The following PRKAR2B variants were observed in gnomAD, a reference collection of about 807,000 sequenced individuals.
PRKAR2B encodes protein kinase cAMP-dependent type II regulatory subunit beta.
PRKAR2B carries 14 observed loss-of-function variants against 49.9 expected under a neutral mutation model. That is an observed-to-expected ratio of 0.28 (90% CI 0.19 to 0.44). The LOEUF (loss-of-function observed/expected upper bound fraction) is 0.44, where lower values mean the gene tolerates loss of function less well. Ranked by LOEUF, PRKAR2B falls within the 20% of genes least tolerant of loss-of-function variation. The pLI, the probability that PRKAR2B is intolerant of heterozygous loss-of-function variation, is 1.00. For missense variants in PRKAR2B, 393 were observed against 537.9 expected (o/e 0.73, Z 2.67); for synonymous variants, 196 against 197.7 (o/e 0.99, Z 0.07).
intron 2 of PRKAR2B, among the ~76,000 whole-genome samples, chr7:107,098,609 G>A (rs564229313): frequency 3.3e-5 from 5 of 152,250 alleles, no homozygotes; most frequent in South Asian, 2.1e-4. Context: ...TTTTAGAATC[G>A]TTAGCTTTTC....
chr7:107,093,009 T>C (rs1230908214), intron 2 of PRKAR2B, among the ~76,000 whole-genome samples: 1 of 152,240 alleles, frequency 6.6e-6, no homozygotes, highest in African/African-American at 2.4e-5. Flanking sequence ...TCACTTCGTG[T>C]AATGTTTTCA....
intron 2 of PRKAR2B, among the ~76,000 whole-genome samples, chr7:107,094,785 T>G (rs1003753086): frequency 8.5e-5 from 13 of 152,220 alleles, no homozygotes; most frequent in African/African-American, 2.9e-4. Flanking sequence ...CATTTCTTGT[T>G]TTTCTCAGGT....
At chr7:107,046,755 C>T (rs1793703377) in intron 1 of PRKAR2B, among the ~76,000 whole-genome samples, 1 of 152,004 alleles carries the variant, frequency 6.6e-6, no homozygotes, top group African/African-American at 2.4e-5. Context: ...CATGTTCGTG[C>T]ACACACACAA....
intron 6 of PRKAR2B, among the ~76,000 whole-genome samples, chr7:107,149,880 A>G (rs1795951699): frequency 6.6e-6 from 1 of 152,154 alleles, no homozygotes; most frequent in South Asian, 2.1e-4. Flanking sequence ...AACTCAAAGG[A>G]TAGATGCTTG....
chr7:107,159,769 GAGT>G lies in PRKAR2B; in HGVS notation c.*191_*193del. 2.0e-6 allele frequency: 1 copy of G among 504,994 alleles called. No individual in the cohort carries two copies. The highest frequency in any genetic ancestry group is 3.3e-6 in the Non-Finnish European group (1 of 299,734). The allele number at this position is 504,994 out of a possible 1,614,324, so 31.3% of individuals were successfully genotyped here. A position where few individuals can be genotyped will look rare whatever the true frequency, so the allele number is the denominator to read the frequency against. On this transcript the variant is annotated 3_prime_UTR_variant, in exon 11 of 11. Coordinates refer to ENST00000265717, the MANE Select transcript of PRKAR2B (RefSeq NM_002736.3). ...ATAGGCTTTAACATCACTTTCTAAA[GAGT>G]AGTTCATAAAAAAATCAACATACTG...
intron 1 of PRKAR2B, chr7:107,070,029 C>G: frequency 3.2e-6 from 1 of 312,230 alleles, no homozygotes; most frequent in South Asian, 4.4e-5. Flanking sequence ...GTAGTTTTAG[C>G]TGTCTGTAAC....
At chr7:107,119,332 T>C (rs1444106056) in intron 2 of PRKAR2B, among the ~76,000 whole-genome samples, 1 of 152,226 alleles carries the variant, frequency 6.6e-6, no homozygotes, top group African/African-American at 2.4e-5. Flanking sequence ...TCATGGGCCC[T>C]GCACTCACGA....
chr7:107,063,500 T>C (rs766074345), intron 1 of PRKAR2B, among the ~76,000 whole-genome samples: 62 of 151,880 alleles, frequency 4.1e-4, no homozygotes, highest in Non-Finnish European at 8.2e-4. Flanking sequence ...ATAAAACAGG[T>C]CTCTTTTGCC....
At chr7:107,070,399 T>C in intron 2 of PRKAR2B, 83 bp downstream of exon 2, 1 of 1,207,206 alleles carries the variant, frequency 8.3e-7, no homozygotes, top group Non-Finnish European at 1.2e-6. Context: ...GTACAAAGAA[T>C]AATTGCTGTA....
intron 2 of PRKAR2B, among the ~76,000 whole-genome samples, chr7:107,105,376 A>G (rs1795052339): frequency 6.6e-6 from 1 of 152,220 alleles, no homozygotes. Context: ...CAGTAAAGGA[A>G]TAGGACACTT....
In PRKAR2B at chr7:107,097,167, G is replaced by T. The variant is rs191058656; in HGVS notation, c.344-24785G>T. ...TCTAAGTCTCTTTGTAGGTCACTAA[G>T]GACTTGCTTTATGAATCTGGGTGCT... On this transcript the variant is annotated intron_variant, in intron 2 of 10. Coordinates refer to ENST00000265717, the MANE Select transcript of PRKAR2B (RefSeq NM_002736.3). 8.9e-4 allele frequency among the ~76,000 whole-genome samples: 136 copies of T among 152,244 alleles called. 1 individual carries two copies. Among genetic ancestry groups the T allele is most frequent in the African/African-American group, 3.0e-3 (125 of 41,540 alleles).
chr7:107,095,518 G>A (rs997481148), intron 2 of PRKAR2B, among the ~76,000 whole-genome samples: 1 of 152,116 alleles, frequency 6.6e-6, no homozygotes, highest in African/African-American at 2.4e-5. Context: ...TGATTGCCCT[G>A]GCCAGAACTT....
chr7:107,094,118 A>G (rs928072983), intron 2 of PRKAR2B, among the ~76,000 whole-genome samples: 3 of 152,246 alleles, frequency 2.0e-5, no homozygotes, highest in African/African-American at 7.2e-5. Flanking sequence ...ACTAGTTTAC[A>G]GTCCCACCAA....
Position 107,046,108 on chromosome 7 carries a change from G to A in PRKAR2B, c.307+894G>A, listed in dbSNP as rs555672691. On this transcript the variant is annotated intron_variant, in intron 1 of 10. Coordinates refer to ENST00000265717, the MANE Select transcript of PRKAR2B (RefSeq NM_002736.3). ...TTTCTCAAATAGCTGCTCCTGGCAA[G>A]TCCCACCCCTTCTGCTTACAACCCT... Among the ~76,000 whole-genome samples, 5 of 152,144 alleles carry A rather than the reference G, an allele frequency of 3.3e-5. No homozygotes were observed. The South Asian group carries it at 1.0e-3, about 32-fold the overall frequency.
chr7:107,135,877 C>G (rs1009206179), intron 4 of PRKAR2B, among the ~76,000 whole-genome samples: 2 of 152,028 alleles, frequency 1.3e-5, no homozygotes, highest in African/African-American at 4.8e-5. Flanking sequence ...AGAGCTAACA[C>G]AATATTGAAG....
chr7:107,133,462 A>G (rs1426800154), intron 4 of PRKAR2B: 3 of 152,260 alleles, frequency 2.0e-5, no homozygotes, highest in Admixed American at 6.5e-5. Flanking sequence ...CAAGCAAAAC[A>G]ATATATTAGT....
chr7:107,048,939 G>A (rs1002599885), intron 1 of PRKAR2B, among the ~76,000 whole-genome samples: 31 of 152,312 alleles, frequency 2.0e-4, no homozygotes, highest in Admixed American at 1.6e-3. Context: ...AAGCCATAAT[G>A]GAAACCTCTT....
intron 1 of PRKAR2B, among the ~76,000 whole-genome samples, chr7:107,061,000 C>G (rs116279313): frequency 9.1e-4 from 139 of 151,914 alleles, no homozygotes; most frequent in African/African-American, 3.3e-3. Flanking sequence ...CATTTTTTCC[C>G]CCACTGATTT....
At chr7:107,125,106 T>C (rs1218488708) in intron 3 of PRKAR2B, among the ~76,000 whole-genome samples, 1 of 152,146 alleles carries the variant, frequency 6.6e-6, no homozygotes, top group Non-Finnish European at 1.5e-5. Flanking sequence ...ATTAAAAAAA[T>C]GTAAAATTAT....
Sources: allele counts gnomAD v4.1 joint callset (sites outside exome capture counted in the v4.1 genomes callset), GRCh38; gene constraint gnomAD v4.1.1; transcripts MANE v1.5; gene names NCBI Gene and HGNC (gene_info 2026-07-23, HGNC 2026-07-21).